The following GPR158 variants were observed in gnomAD, a reference collection of about 807,000 sequenced individuals.
GPR158 encodes metabotropic glycine receptor.
In GPR158, 30 loss-of-function variants were observed where a neutral mutation model predicts 78.2. That is an observed-to-expected ratio of 0.38 (90% CI 0.29 to 0.52). The LOEUF (loss-of-function observed/expected upper bound fraction) is 0.52, where lower values mean the gene tolerates loss of function less well. Among genes scored for constraint, GPR158 ranks in the 20% least tolerant of loss-of-function variants. GPR158 has a pLI of 0.83. For missense variants in GPR158, 1,463 were observed against 1,523.5 expected (o/e 0.96, Z 0.66); for synonymous variants, 581 against 591.1 (o/e 0.98, Z 0.25).
At chr10:25,319,202 A>G (rs1210937676) in intron 2 of GPR158, among the ~76,000 whole-genome samples, 1 of 152,120 alleles carries the variant, frequency 6.6e-6, no homozygotes, top group East Asian at 1.9e-4. Context: ...CTGAGGTGTC[A>G]TATCCACCAG....
At chr10:25,279,526 G>A (rs1390311232) in intron 2 of GPR158, among the ~76,000 whole-genome samples, 1 of 152,094 alleles carries the variant, frequency 6.6e-6, no homozygotes, top group Non-Finnish European at 1.5e-5. Flanking sequence ...GATTTGTGCA[G>A]GGGGAAGTGT....
intron 1 of GPR158, among the ~76,000 whole-genome samples, chr10:25,208,473 A>G (rs1171536385): frequency 6.6e-6 from 1 of 152,116 alleles, no homozygotes; most frequent in Non-Finnish European, 1.5e-5. Context: ...TACATCTTAT[A>G]TTGGTATATA....
At chr10:25,507,208 G>T (rs527941763) in intron 5 of GPR158, among the ~76,000 whole-genome samples, 39 of 152,256 alleles carry the variant, frequency 2.6e-4, no homozygotes, top group Middle Eastern at 3.4e-3. Flanking sequence ...AAATCATATG[G>T]CTGTTCCTAA....
intron 2 of GPR158, among the ~76,000 whole-genome samples, chr10:25,394,051 A>G (rs1161755183): frequency 6.6e-6 from 1 of 152,248 alleles, no homozygotes; most frequent in African/African-American, 2.4e-5. Context: ...GAGCATTTCC[A>G]AAACTGAACT....
At chr10:25,430,908 C>T (rs1350129209) in intron 4 of GPR158, among the ~76,000 whole-genome samples, 2 of 151,052 alleles carry the variant, frequency 1.3e-5, no homozygotes, top group Non-Finnish European at 3.0e-5. Flanking sequence ...CCATAAAAAC[C>T]CTAGAAGAAA....
intron 4 of GPR158, among the ~76,000 whole-genome samples, chr10:25,427,877 T>C (rs1834846154): frequency 6.6e-6 from 1 of 152,106 alleles, no homozygotes; most frequent in Non-Finnish European, 1.5e-5. Context: ...TAATAACCAG[T>C]GTAGGGCTGA....
chr10:25,596,796 C>T lies in GPR158; in HGVS notation c.2145+7C>T. ...GGATCCAGAGGACATTCGGGTAATGCCAGTACTCTATCTTTCTTCCTATTT... is the reference window on the plus strand; with the variant it reads ...GGATCCAGAGGACATTCGGGTAATGTCAGTACTCTATCTTTCTTCCTATTT... On this transcript the variant is annotated splice_region_variant and intron_variant, in intron 10 of 10. Transcript: ENST00000376351. 6.2e-7 allele frequency: 1 copy of T among 1,609,614 alleles called. No individual in the cohort carries two copies. The highest frequency in any genetic ancestry group is 8.5e-7 in the Non-Finnish European group (1 of 1,176,958).
intron 2 of GPR158, among the ~76,000 whole-genome samples, chr10:25,274,645 G>T (rs1446319822): frequency 6.6e-6 from 1 of 152,130 alleles, no homozygotes. Flanking sequence ...ATATCTAAAA[G>T]CCCACTAGTG....
chr10:25,520,935 TG>T (rs1471029400), intron 5 of GPR158, among the ~76,000 whole-genome samples: 3 of 152,186 alleles, frequency 2.0e-5, no homozygotes, highest in Admixed American at 1.3e-4. Flanking sequence ...TAAGCAAGCC[TG>T]GGCAATGGCG....
At chr10:25,304,895 C>G (rs1854648396) in intron 2 of GPR158, among the ~76,000 whole-genome samples, 1 of 152,122 alleles carries the variant, frequency 6.6e-6, no homozygotes, top group Non-Finnish European at 1.5e-5. Context: ...CTTGCATAGC[C>G]TCTTTAGCAA....
At chr10:25,447,923 G>A (rs537888251) in intron 4 of GPR158, among the ~76,000 whole-genome samples, 1 of 152,226 alleles carries the variant, frequency 6.6e-6, no homozygotes, top group African/African-American at 2.4e-5. Flanking sequence ...AGCCTCAGAA[G>A]TTTCCTATAT....
intron 4 of GPR158, among the ~76,000 whole-genome samples, chr10:25,420,092 C>A (rs1448169942): frequency 1.3e-5 from 2 of 151,916 alleles, no homozygotes; most frequent in Non-Finnish European, 2.9e-5. Context: ...CAAATATTTT[C>A]TCCCATTCTG....
intron 2 of GPR158, among the ~76,000 whole-genome samples, chr10:25,272,129 A>C (rs1854125397): frequency 6.6e-6 from 1 of 152,188 alleles, no homozygotes; most frequent in African/African-American, 2.4e-5. Context: ...TCAGAGGTTA[A>C]GGGAACATTT....
intron 5 of GPR158, among the ~76,000 whole-genome samples, chr10:25,485,162 T>C (rs1835717878): frequency 6.6e-6 from 1 of 152,026 alleles, no homozygotes; most frequent in Non-Finnish European, 1.5e-5. Flanking sequence ...TCCTGAGAAA[T>C]AATTTATCTT....
intron 5 of GPR158, among the ~76,000 whole-genome samples, chr10:25,494,617 G>C (rs1466313004): frequency 1.3e-5 from 2 of 151,998 alleles, no homozygotes; most frequent in Non-Finnish European, 2.9e-5. Flanking sequence ...ATGTACCATA[G>C]TACCAAAATT....
chr10:25,346,928 T>C (rs1206492008), intron 2 of GPR158, among the ~76,000 whole-genome samples: 2 of 152,004 alleles, frequency 1.3e-5, no homozygotes, highest in Non-Finnish European at 2.9e-5. Flanking sequence ...CTTGATTTTT[T>C]TTAACCAGTA....
At chr10:25,200,971 A>G (rs1177875940) in intron 1 of GPR158, among the ~76,000 whole-genome samples, 1 of 137,286 alleles carries the variant, frequency 7.3e-6, no homozygotes. Context: ...TCTTTTTCTT[A>G]GGATTGCCTT....
intron 2 of GPR158, among the ~76,000 whole-genome samples, chr10:25,264,937 G>A (rs919314340): frequency 2.6e-5 from 4 of 152,096 alleles, no homozygotes; most frequent in African/African-American, 9.7e-5. Context: ...TTTACCCAAG[G>A]TAAGACTGTA....
At chr10:25,318,216 T>G (rs1157441162) in intron 2 of GPR158, among the ~76,000 whole-genome samples, 1 of 152,044 alleles carries the variant, frequency 6.6e-6, no homozygotes, top group African/African-American at 2.4e-5. Flanking sequence ...TTTAAAAAAT[T>G]ATGTGTCTTA....
Sources: gnomAD v4.1 joint callset for allele counts (sites outside exome capture counted in the v4.1 genomes callset) on GRCh38, gnomAD v4.1.1 for gene constraint, MANE v1.5 for transcripts, NCBI Gene and HGNC (gene_info 2026-07-23, HGNC 2026-07-21) for gene names.